The following SPMAP2L variants were observed in gnomAD, a reference collection of about 807,000 sequenced individuals.
The protein encoded by SPMAP2L is sperm microtubule associated protein 2 like.
chr4:56,599,366 A>G, the SPMAP2L span, among the ~76,000 whole-genome samples: 1 of 151,944 alleles, frequency 6.6e-6, no homozygotes, highest in African/African-American at 2.4e-5. Flanking sequence ...TTTGCTCAAA[A>G]TTATTATTTT....
the SPMAP2L span, among the ~76,000 whole-genome samples, chr4:56,532,850 G>A: frequency 1.3e-5 from 2 of 152,086 alleles, no homozygotes; most frequent in Non-Finnish European, 2.9e-5. Context: ...TCACCCCATC[G>A]TAGGCACCCA....
chr4:56,574,342 C>T, the SPMAP2L span, among the ~76,000 whole-genome samples: 2 of 152,148 alleles, frequency 1.3e-5, no homozygotes. Flanking sequence ...TTGCTTGAGC[C>T]CAGGAGTTTG....
At chr4:56,624,687 T>C in the SPMAP2L span, among the ~76,000 whole-genome samples, 1 of 152,228 alleles carries the variant, frequency 6.6e-6, no homozygotes, top group African/African-American at 2.4e-5. Context: ...CCTTGGCAGC[T>C]TCCACTTGGT....
the SPMAP2L span, among the ~76,000 whole-genome samples, chr4:56,533,189 T>A: frequency 6.6e-6 from 1 of 152,182 alleles, no homozygotes; most frequent in Non-Finnish European, 1.5e-5. Context: ...CAAACAACTA[T>A]GCCAACTATG....
chr4:56,595,689 C>T, the SPMAP2L span: 1 of 1,094,510 alleles, frequency 9.1e-7, no homozygotes, highest in South Asian at 1.2e-5. Flanking sequence ...TTATGAGTTG[C>T]CATTTTCTGA....
At chr4:56,538,698 G>C in the SPMAP2L span, among the ~76,000 whole-genome samples, 6 of 152,162 alleles carry the variant, frequency 3.9e-5, no homozygotes, top group Non-Finnish European at 5.9e-5. Context: ...AGCTACTCTG[G>C]AGGCTGAGGT....
the SPMAP2L span, chr4:56,603,488 T>A: frequency 2.0e-6 from 1 of 498,218 alleles, no homozygotes; most frequent in East Asian, 3.0e-5. Context: ...TAGCAGTTGT[T>A]GCTGTTAACC....
the SPMAP2L span, among the ~76,000 whole-genome samples, chr4:56,583,624 G>C: frequency 6.6e-6 from 1 of 152,270 alleles, no homozygotes; most frequent in South Asian, 2.1e-4. Context: ...TATGTGGGGA[G>C]CAGCCTATGA....
At chr4:56,594,128 G>A in the SPMAP2L span, 1 of 1,608,842 alleles carries the variant, frequency 6.2e-7, no homozygotes, top group South Asian at 1.1e-5. Flanking sequence ...CTTTGTTTGT[G>A]AGTCATCTGC....
the SPMAP2L span, among the ~76,000 whole-genome samples, chr4:56,608,117 A>T: frequency 2.0e-5 from 3 of 152,132 alleles, no homozygotes; most frequent in African/African-American, 7.2e-5. Flanking sequence ...TTAATAAGTG[A>T]CAAAAAGAAA....
the SPMAP2L span, among the ~76,000 whole-genome samples, chr4:56,623,385 A>T: frequency 6.6e-6 from 1 of 152,238 alleles, no homozygotes; most frequent in South Asian, 2.1e-4. Context: ...GGAGCAAAAA[A>T]ACACTTTCAA....
the SPMAP2L span, among the ~76,000 whole-genome samples, chr4:56,532,550 T>C: frequency 4.1e-4 from 63 of 152,302 alleles, no homozygotes; most frequent in African/African-American, 1.4e-3. Flanking sequence ...CTTGACCCCA[T>C]GTCATTTTCA....
the SPMAP2L span, chr4:56,593,799 T>C: frequency 6.3e-7 from 1 of 1,599,120 alleles, no homozygotes; most frequent in African/African-American, 1.3e-5. Context: ...ACCAGCAACA[T>C]CTGTACAGCT....
chr4:56,572,668 T>C, the SPMAP2L span, among the ~76,000 whole-genome samples: 1 of 152,350 alleles, frequency 6.6e-6, no homozygotes, highest in Non-Finnish European at 1.5e-5. Flanking sequence ...AAGTTTTGTA[T>C]ACTGAATATT....
the SPMAP2L span, among the ~76,000 whole-genome samples, chr4:56,600,097 C>CTTTTTTTTTT: frequency 2.2e-3 from 196 of 87,820 alleles, no homozygotes; most frequent in Non-Finnish European, 2.6e-3. Flanking sequence ...TCTTTGCTTT[C>CTTTTTTTTTT]TTTTTTTTTT....
At chr4:56,612,695 G>C in the SPMAP2L span, among the ~76,000 whole-genome samples, 78 of 151,808 alleles carry the variant, frequency 5.1e-4, 1 homozygote, top group Non-Finnish European at 9.9e-4. Flanking sequence ...AGCCTCCCAA[G>C]TAGCTGGGCT....
At chr4:56,558,914 G>C in the SPMAP2L span, among the ~76,000 whole-genome samples, 1 of 151,770 alleles carries the variant, frequency 6.6e-6, no homozygotes, top group African/African-American at 2.4e-5. Context: ...CTATTACATG[G>C]TTTTCTCACC....
chr4:56,602,732 G>A, the SPMAP2L span, among the ~76,000 whole-genome samples: 1 of 151,994 alleles, frequency 6.6e-6, no homozygotes, highest in Non-Finnish European at 1.5e-5. Context: ...TAAAAGAGAA[G>A]AATATGATCA....
At chr4:56,562,382 AGT>A in the SPMAP2L span, among the ~76,000 whole-genome samples, 3 of 151,420 alleles carry the variant, frequency 2.0e-5, no homozygotes, top group Non-Finnish European at 2.9e-5. Context: ...AGGAATCTTT[AGT>A]GTGTGTGTGT....
Sources: allele counts gnomAD v4.1 joint callset (sites outside exome capture counted in the v4.1 genomes callset), GRCh38; gene constraint gnomAD v4.1.1; transcripts MANE v1.5; gene names NCBI Gene and HGNC (gene_info 2026-07-23, HGNC 2026-07-21).